C4orf51: variants seen among roughly 807,000 people sequenced by gnomAD.
C4orf51 encodes chromosome 4 open reading frame 51, also known as uncharacterized protein C4orf51.
C4orf51 carries 25 observed loss-of-function variants against 25.2 expected under a neutral mutation model. The ratio of observed to expected loss-of-function variants is 0.99; its 90% CI spans 0.72 to 1.39. The LOEUF (loss-of-function observed/expected upper bound fraction) is 1.39, where lower values mean the gene tolerates loss of function less well. Among genes scored for constraint, C4orf51 ranks in the 40% most tolerant of loss-of-function variants. The pLI is 0.00. For synonymous variants in C4orf51, 100 were observed against 84.5 expected (o/e 1.18, Z -1.01); for missense variants, 252 against 239.6 (o/e 1.05, Z -0.34).
At chr4:145,723,050 G>T (rs1051756099) in intron 2 of C4orf51, among the ~76,000 whole-genome samples, 6 of 152,150 alleles carry the variant, frequency 3.9e-5, no homozygotes, top group Non-Finnish European at 7.3e-5. Flanking sequence ...AAGAATAATA[G>T]AAATAAAGTG....
At chr4:145,699,072 AC>A (rs1253901551) in intron 2 of C4orf51, among the ~76,000 whole-genome samples, 1 of 150,266 alleles carries the variant, frequency 6.7e-6, no homozygotes, top group East Asian at 2.0e-4. Context: ...GCACCTTGCA[AC>A]CCCCACTCCT....
At chr4:145,740,553 ACC>A in intron 1 of C4orf51, among the ~76,000 whole-genome samples, 1 of 152,154 alleles carries the variant, frequency 6.6e-6, no homozygotes, top group Non-Finnish European at 1.5e-5. Flanking sequence ...AATAATAACC[ACC>A]CCTTGTTTTG....
chr4:145,756,730 T>C (rs1038136094), downstream of C4orf51, among the ~76,000 whole-genome samples: 1 of 152,174 alleles, frequency 6.6e-6, no homozygotes, highest in African/African-American at 2.4e-5. Flanking sequence ...AACACAAAAT[T>C]AGTATTTGAA....
Position 145,765,269 on chromosome 4 carries a change from C to T in C4orf51, n.167-5719C>T, listed in dbSNP as rs1579079489. The stretch of plus-strand genomic sequence containing the variant: ...CACTTCCTCCCGCCTCCTCCGACGC[C>T]TGACAGCTATACCCTTCCAGGCACT... On this transcript the variant is annotated intron_variant and non_coding_transcript_variant, in intron 1 of 1. Transcript: ENST00000510096. The surrounding 1 kb of genome is among the most constrained non-coding windows in gnomAD (Gnocchi z 4.7). The T allele has an allele frequency of 7.8e-7, 1 of 1,278,764 alleles. No individual in the cohort carries two copies. The highest frequency in any genetic ancestry group is 2.5e-5 in the East Asian group (1 of 39,458). 79.2% of individuals were successfully genotyped at this position (1,278,764 alleles called of 1,614,324 possible). A position where few individuals can be genotyped will look rare whatever the true frequency, so the allele number is the denominator to read the frequency against.
chr4:145,734,265 C>A (rs1347191818), downstream of C4orf51, among the ~76,000 whole-genome samples: 11 of 152,186 alleles, frequency 7.2e-5, no homozygotes, highest in Admixed American at 2.0e-4. Flanking sequence ...AGGGAACCGG[C>A]AGGTTCATAG....
At chr4:145,777,210 T>A in the C4orf51 span, among the ~76,000 whole-genome samples, 1 of 152,218 alleles carries the variant, frequency 6.6e-6, no homozygotes, top group African/African-American at 2.4e-5. Flanking sequence ...GGAGCCCCAC[T>A]GTCCAGATAA....
chr4:145,713,174 T>A (rs1399364356), intron 2 of C4orf51, among the ~76,000 whole-genome samples: 1 of 152,248 alleles, frequency 6.6e-6, no homozygotes. Flanking sequence ...CCATGCCTGC[T>A]AACACAACAT....
intron 2 of C4orf51, among the ~76,000 whole-genome samples, chr4:145,709,485 A>C (rs1239202101): frequency 6.6e-6 from 1 of 152,238 alleles, no homozygotes; most frequent in Non-Finnish European, 1.5e-5. Context: ...ACCTGCAAGG[A>C]AGCCCATGTC....
chr4:145,755,624 G>T (rs6857844), downstream of C4orf51, among the ~76,000 whole-genome samples: 145,798 of 152,286 alleles, frequency 0.96, 69,851 homozygotes, highest in African/African-American at 0.99. Flanking sequence ...CCTTGATTAA[G>T]AAATAACCCT....
chr4:145,768,051 T>C (rs561819851), intron 1 of C4orf51, among the ~76,000 whole-genome samples: 1 of 152,322 alleles, frequency 6.6e-6, no homozygotes, highest in East Asian at 1.9e-4. Context: ...AGTAAACATA[T>C]GACAATAGTA....
At chr4:145,769,795 C>A (rs976826276) in intron 1 of C4orf51, among the ~76,000 whole-genome samples, 2 of 152,092 alleles carry the variant, frequency 1.3e-5, no homozygotes, top group Non-Finnish European at 2.9e-5. Flanking sequence ...ATTAGGACAA[C>A]CAGCTGAAGA....
downstream of C4orf51, among the ~76,000 whole-genome samples, chr4:145,755,910 T>C (rs1733912896): frequency 6.6e-6 from 1 of 152,212 alleles, no homozygotes; most frequent in African/African-American, 2.4e-5. Context: ...GCTCACAGGT[T>C]CTAAGCTGCT....
intron 2 of C4orf51, among the ~76,000 whole-genome samples, chr4:145,711,919 T>C (rs1003990026): frequency 5.3e-5 from 8 of 152,170 alleles, no homozygotes. Context: ...TCCAACAGTA[T>C]GTATTCACTT....
chr4:145,751,007 T>C (rs1340419771), intron 1 of C4orf51, among the ~76,000 whole-genome samples: 2 of 152,120 alleles, frequency 1.3e-5, no homozygotes, highest in African/African-American at 4.8e-5. Context: ...TATTTCCATC[T>C]TTGCTAAATT....
intron 1 of C4orf51, among the ~76,000 whole-genome samples, chr4:145,741,087 A>T (rs780258869): frequency 1.3e-5 from 2 of 152,132 alleles, no homozygotes; most frequent in Non-Finnish European, 2.9e-5. Flanking sequence ...AGAAAAGGAT[A>T]GTTTGTCAGG....
Position 145,764,962 on chromosome 4 carries a change from A to G in C4orf51, n.167-6026A>G, listed in dbSNP as rs1460069866. On this transcript the variant is annotated intron_variant and non_coding_transcript_variant, in intron 1 of 1. Transcript: ENST00000510096. ...AAGGGTATTTAATAACAACGCAGTA[A>G]AAGGTTCTGTACTTGCTTTCCTTAC... The G allele has an allele frequency of 1.9e-6, 3 of 1,609,764 alleles. No homozygotes were observed. In the Admixed American group the frequency reaches 5.0e-5, roughly 27 times the overall value.
intron 2 of C4orf51, among the ~76,000 whole-genome samples, chr4:145,724,064 G>GT (rs1300392666): frequency 2.0e-5 from 3 of 152,220 alleles, no homozygotes; most frequent in South Asian, 4.1e-4. Flanking sequence ...CTAATGCCTG[G>GT]TTTTTTTCCC....
the C4orf51 span, among the ~76,000 whole-genome samples, chr4:145,782,160 T>C: frequency 6.6e-6 from 1 of 152,234 alleles, no homozygotes; most frequent in African/African-American, 2.4e-5. Flanking sequence ...CCCCACCTCA[T>C]GTTTGCATTT....
At chr4:145,717,014 A>C (rs1208788326) in intron 2 of C4orf51, among the ~76,000 whole-genome samples, 1 of 152,216 alleles carries the variant, frequency 6.6e-6, no homozygotes, top group Non-Finnish European at 1.5e-5. Flanking sequence ...AACAGCCTGA[A>C]CATGTCATTC....
Sources: allele counts gnomAD v4.1 joint callset (sites outside exome capture counted in the v4.1 genomes callset), GRCh38; gene constraint gnomAD v4.1.1; non-coding constraint Gnocchi (gnomAD v3.1); transcripts MANE v1.5; gene names NCBI Gene and HGNC (gene_info 2026-07-23, HGNC 2026-07-21).